The following CACNB2 variants were observed in gnomAD, a reference collection of about 807,000 sequenced individuals.
The protein encoded by CACNB2 is voltage-dependent L-type calcium channel subunit beta-2.
A neutral mutation model predicts 73.3 loss-of-function variants in CACNB2; 42 were observed. That is an observed-to-expected ratio of 0.57 (90% CI 0.45 to 0.74). The LOEUF is 0.74. Among genes scored for constraint, CACNB2 ranks in the 30% least tolerant of loss-of-function variants. The pLI, the probability that CACNB2 is intolerant of heterozygous loss-of-function variation, is 0.00. For synonymous variants in CACNB2, 348 were observed against 310.3 expected, an observed-to-expected ratio of 1.12 and a Z score of -1.28; for missense variants, 940 against 853.0, an observed-to-expected ratio of 1.10 and a Z score of -1.27.
intron 2 of CACNB2, among the ~76,000 whole-genome samples, chr10:18,200,626 G>T (rs893501668): frequency 6.6e-6 from 1 of 151,974 alleles, no homozygotes; most frequent in Non-Finnish European, 1.5e-5. Flanking sequence ...TATCTGCTTA[G>T]AGGAATTAGT....
chr10:18,234,444 T>C lies in CACNB2; in HGVS notation c.213+83469T>C, dbSNP rs2036350412. On this transcript the variant is annotated intron_variant, in intron 2 of 13. Coordinates refer to ENST00000324631, the MANE Select transcript of CACNB2 (RefSeq NM_201596.3). Reference sequence around the variant, plus strand: ...ACCGAGAGAGAGATTTGTACAGCCATAACCTAGCAGCATTATTCACAATAG... The same window carrying C: ...ACCGAGAGAGAGATTTGTACAGCCACAACCTAGCAGCATTATTCACAATAG... Among the ~76,000 whole-genome samples the C allele has an allele frequency of 2.0e-5, 3 of 152,112 alleles. No homozygotes were observed. The South Asian group carries it at 6.2e-4, about 32-fold the overall frequency.
intron 2 of CACNB2, among the ~76,000 whole-genome samples, chr10:18,278,144 A>C (rs114245384): frequency 6.6e-6 from 1 of 152,230 alleles, no homozygotes; most frequent in Non-Finnish European, 1.5e-5. Flanking sequence ...TATAACTGCT[A>C]TGCATACATC....
chr10:18,495,327 C>G (rs1278409199), intron 3 of CACNB2, among the ~76,000 whole-genome samples: 4 of 151,024 alleles, frequency 2.6e-5, no homozygotes, highest in Admixed American at 1.3e-4. Context: ...TCAAGTGATT[C>G]TCCTGTCTCA....
At chr10:18,322,216 A>G (rs1005409577) in intron 2 of CACNB2, among the ~76,000 whole-genome samples, 8 of 152,184 alleles carry the variant, frequency 5.3e-5, no homozygotes, top group African/African-American at 1.4e-4. Flanking sequence ...CTTAGAAATC[A>G]GAGAGTATTA....
chr10:18,293,652 A>C (rs986986067), intron 2 of CACNB2, among the ~76,000 whole-genome samples: 3 of 152,222 alleles, frequency 2.0e-5, no homozygotes, highest in African/African-American at 7.2e-5. Flanking sequence ...ATTTCAAGAG[A>C]GTCAGCATAG....
intron 2 of CACNB2, among the ~76,000 whole-genome samples, chr10:18,175,756 C>G (rs945733205): frequency 1.3e-5 from 2 of 152,196 alleles, no homozygotes; most frequent in Non-Finnish European, 2.9e-5. Context: ...TGCCACCATG[C>G]CCTGCTAATT....
chr10:18,441,434 C>G (rs1044457126), intron 3 of CACNB2, among the ~76,000 whole-genome samples: 5 of 152,120 alleles, frequency 3.3e-5, no homozygotes, highest in Admixed American at 3.3e-4. Context: ...AAAAACTGAA[C>G]TATACGGCTT....
intron 2 of CACNB2, among the ~76,000 whole-genome samples, chr10:18,207,323 G>C (rs2035136469): frequency 6.6e-6 from 1 of 152,156 alleles, no homozygotes; most frequent in Admixed American, 6.5e-5. Flanking sequence ...ACAGGCATGA[G>C]CCACTGCACC....
rs780167657 is a variant in CACNB2, at chr10:18,514,322, G to A, written c.757G>A (p.Val253Ile). Residue 253 changes from valine (V) to isoleucine (I), a missense_variant, in exon 7 of 14, where the codon GTA (valine) becomes ATA (isoleucine). By Grantham distance (29) the Val-to-Ile change is conservative. Coordinates refer to ENST00000324631, the MANE Select transcript of CACNB2 (RefSeq NM_201596.3). ...HRSPKPSANS[V>I]TSPHSKEKRM... ...CTCCCCTAAACCCAGTGCAAACAGT[G>A]TAACGTCACCCCACTCCAAAGAGAA... The A allele has an allele frequency of 4.3e-6, 7 of 1,614,128 alleles. No individual in the cohort carries two copies. In the South Asian group the frequency reaches 6.6e-5, roughly 15 times the overall value.
intron 2 of CACNB2, among the ~76,000 whole-genome samples, chr10:18,295,226 T>G (rs578187929): frequency 6.6e-6 from 1 of 152,176 alleles, no homozygotes; most frequent in South Asian, 2.1e-4. Flanking sequence ...TGTTAGAAAA[T>G]GGTGCACAAT....
intron 2 of CACNB2, among the ~76,000 whole-genome samples, chr10:18,246,689 T>G (rs1424822326): frequency 6.6e-6 from 1 of 152,194 alleles, no homozygotes; most frequent in African/African-American, 2.4e-5. Context: ...CAAGTGATCC[T>G]CCCGCCTCAG....
intron 3 of CACNB2, among the ~76,000 whole-genome samples, chr10:18,443,000 GTATATATATATATGTATATATA>G (rs2046537604): frequency 2.6e-4 from 1 of 3,790 alleles, no homozygotes; most frequent in African/African-American, 1.9e-3. Context: ...ATATATATGT[GTATATATATATATGTATATATA>G]TATATATATA....
chr10:18,182,412 C>T (rs150023501), intron 2 of CACNB2, among the ~76,000 whole-genome samples: 216 of 151,810 alleles, frequency 1.4e-3, no homozygotes, highest in African/African-American at 5.1e-3. Flanking sequence ...AATCCGAAAA[C>T]TTTGAGTTCA....
At chr10:18,310,645 A>G (rs2039927510) in intron 2 of CACNB2, among the ~76,000 whole-genome samples, 1 of 150,550 alleles carries the variant, frequency 6.6e-6, no homozygotes, top group African/African-American at 2.4e-5. Context: ...AAAAAAAGAA[A>G]ATTATAAAGA....
intron 2 of CACNB2, among the ~76,000 whole-genome samples, chr10:18,326,797 G>A (rs1281637357): frequency 6.6e-6 from 1 of 152,172 alleles, no homozygotes; most frequent in Non-Finnish European, 1.5e-5. Flanking sequence ...TGTGATCAGG[G>A]CTCACTGCAG....
At chr10:18,150,344 C>T (rs61842438) in intron 1 of CACNB2, among the ~76,000 whole-genome samples, 11,315 of 152,220 alleles carry the variant, frequency 0.074, 580 homozygotes, top group East Asian at 0.11. Context: ...TGTTTTAATT[C>T]ACTAGTTATT....
At chr10:18,433,958 A>G (rs1193569553) in intron 3 of CACNB2, among the ~76,000 whole-genome samples, 1 of 151,732 alleles carries the variant, frequency 6.6e-6, no homozygotes, top group Non-Finnish European at 1.5e-5. Flanking sequence ...GTTAGAACAT[A>G]CTGTGCTACA....
intron 2 of CACNB2, among the ~76,000 whole-genome samples, chr10:18,192,989 C>A (rs529208268): frequency 6.6e-6 from 1 of 152,188 alleles, no homozygotes; most frequent in African/African-American, 2.4e-5. Context: ...TGTTTTCAAT[C>A]CTTTTGGATA....
At chr10:18,449,277 C>A (rs540366418) in intron 3 of CACNB2, among the ~76,000 whole-genome samples, 1 of 152,004 alleles carries the variant, frequency 6.6e-6, no homozygotes, top group South Asian at 2.1e-4. Flanking sequence ...CCCAGCTACT[C>A]GGGAGGCTGA....
Sources: allele counts gnomAD v4.1 joint callset (sites outside exome capture counted in the v4.1 genomes callset), GRCh38; gene constraint gnomAD v4.1.1; transcripts MANE v1.5; gene names NCBI Gene and HGNC (gene_info 2026-07-23, HGNC 2026-07-21).